Variants in DOK5 observed in about 807,000 individuals in gnomAD.
DOK5 encodes downstream of tyrosine kinase 5.
DOK5 carries 27 observed loss-of-function variants against 43.3 expected under a neutral mutation model. The observed-to-expected ratio is 0.62, with a 90% CI of 0.46 to 0.86. The LOEUF (loss-of-function observed/expected upper bound fraction) is 0.86. DOK5 is among the 40% of genes least tolerant of loss of function. The pLI is 0.00. For synonymous variants in DOK5, 146 were observed against 140.1 expected (o/e 1.04, Z -0.30); for missense variants, 373 against 392.9 (o/e 0.95, Z 0.43).
At chr20:54,632,705 A>G (rs997412440) in intron 6 of DOK5, among the ~76,000 whole-genome samples, 6 of 152,234 alleles carry the variant, frequency 3.9e-5, no homozygotes, top group African/African-American at 1.4e-4. Context: ...TAAAGGTAAT[A>G]AATAGCACAG....
chr20:54,488,361 T>A (rs763776381), intron 1 of DOK5, among the ~76,000 whole-genome samples: 1 of 152,242 alleles, frequency 6.6e-6, no homozygotes, highest in Non-Finnish European at 1.5e-5. Context: ...CCTGGCTGGC[T>A]GTCTCTTGGC....
At chr20:54,572,330 T>G (rs1985309739) in intron 2 of DOK5, among the ~76,000 whole-genome samples, 1 of 152,042 alleles carries the variant, frequency 6.6e-6, no homozygotes, top group Non-Finnish European at 1.5e-5. Flanking sequence ...CCGGCTAATT[T>G]TTTGTATTTC....
intron 1 of DOK5, among the ~76,000 whole-genome samples, chr20:54,547,274 T>C (rs1003222518): frequency 6.6e-6 from 1 of 152,218 alleles, no homozygotes; most frequent in African/African-American, 2.4e-5. Context: ...ATTTACTCTT[T>C]GGCTCATTAC....
Position 54,610,605 on chromosome 20 carries a change from G to A in DOK5, c.735+82G>A, listed in dbSNP as rs915606525. Reference sequence around the variant, plus strand: ...GGTCATTTTTGTGCTGGAAAATATGGTCAGCATTATTTGAGCAGATGACTG... The same window carrying A: ...GGTCATTTTTGTGCTGGAAAATATGATCAGCATTATTTGAGCAGATGACTG... On this transcript the variant is annotated intron_variant, in intron 6 of 7. Transcript: ENST00000262593. The A allele has an allele frequency of 2.3e-6, 3 of 1,315,050 alleles. No homozygotes were observed. The African/African-American group carries it at 4.5e-5, about 20-fold the overall frequency. The allele number at this position is 1,315,050 out of a possible 1,614,324, so 81.5% of individuals were successfully genotyped here.
At chr20:54,590,287 C>G (rs776579028) in intron 4 of DOK5, among the ~76,000 whole-genome samples, 2 of 151,976 alleles carry the variant, frequency 1.3e-5, no homozygotes, top group Non-Finnish European at 2.9e-5. Context: ...CCTCTCAGGC[C>G]CTTTCCAATG....
At chr20:54,619,207 G>A (rs868013583) in intron 6 of DOK5, among the ~76,000 whole-genome samples, 8 of 150,430 alleles carry the variant, frequency 5.3e-5, no homozygotes, top group Non-Finnish European at 1.2e-4. Flanking sequence ...TCACTCTAAA[G>A]GGGGTGCTGG....
intron 1 of DOK5, among the ~76,000 whole-genome samples, chr20:54,536,718 C>G (rs1983974225): frequency 1.3e-5 from 2 of 152,188 alleles, no homozygotes; most frequent in African/African-American, 4.8e-5. Context: ...TGCTCTATAC[C>G]ATTCAAACAC....
At position 54,610,506 on chromosome 20, in the gene DOK5, A is replaced by G; in HGVS notation, c.718A>G (p.Ser240Gly). 4 of 1,516,172 alleles carry G rather than the reference A, an allele frequency of 2.6e-6. No individual in the cohort carries two copies. Among genetic ancestry groups the G allele is most frequent in the East Asian group, 4.8e-5 (2 of 41,644 alleles). 93.9% of individuals were successfully genotyped at this position (1,516,172 alleles called of 1,614,324 possible). A position where few individuals can be genotyped will look rare whatever the true frequency, so the allele number is the denominator to read the frequency against. The change falls in exon 6 of 8, where the codon AGT (serine) becomes GGT (glycine). Residue 240 changes from serine (S) to glycine (G), a missense_variant. By Grantham distance (56) the Ser-to-Gly change is moderately conservative. Coordinates refer to ENST00000262593, the MANE Select transcript of DOK5 (RefSeq NM_018431.5). The part of the protein sequence containing the change: ...IAEQHERLLQ[S>G]VKNSMLQMKM... ...CGAGCAGCACGAGCGCTTGCTACAG[A>G]GTGTGAAAAACTCGATGGTACGTTT...
At chr20:54,551,277 G>T (rs1387905116) in intron 1 of DOK5, among the ~76,000 whole-genome samples, 1 of 152,134 alleles carries the variant, frequency 6.6e-6, no homozygotes, top group Non-Finnish European at 1.5e-5. Context: ...TGATTTGAGG[G>T]TTCTTTGCCT....
chr20:54,593,070 C>G (rs182446570), intron 5 of DOK5, among the ~76,000 whole-genome samples: 13 of 152,252 alleles, frequency 8.5e-5, no homozygotes, highest in Admixed American at 7.2e-4. Flanking sequence ...GTGGTCCCCT[C>G]TAACTAATCT....
In DOK5 at chr20:54,544,685, G is replaced by A. The variant is rs7274013; in HGVS notation, c.67-10248G>A. 7.0e-3 allele frequency among the ~76,000 whole-genome samples: 1,061 copies of A among 152,294 alleles called. 15 individuals are homozygous for A. The highest frequency in any genetic ancestry group is 0.024 in the African/African-American group (1,005 of 41,570). On this transcript the variant is annotated intron_variant, in intron 1 of 7. Coordinates refer to ENST00000262593, the MANE Select transcript of DOK5 (RefSeq NM_018431.5). ...TAGTTTGATGGGCAAGGGAATGGGTGCTGCTGATTGGTTGTGGATGCAGTC... is the reference window on the plus strand; with the variant it reads ...TAGTTTGATGGGCAAGGGAATGGGTACTGCTGATTGGTTGTGGATGCAGTC...
chr20:54,543,435 G>C (rs73276931), intron 1 of DOK5, among the ~76,000 whole-genome samples: 346 of 152,198 alleles, frequency 2.3e-3, no homozygotes, highest in African/African-American at 7.4e-3. Flanking sequence ...ACAACTTACA[G>C]AGAAGTAGAA....
intron 7 of DOK5, among the ~76,000 whole-genome samples, chr20:54,649,924 T>C (rs1979619003): frequency 6.6e-6 from 1 of 152,238 alleles, no homozygotes; most frequent in South Asian, 2.1e-4. Context: ...AGGGGGCTAA[T>C]AGGGATCTTG....
intron 1 of DOK5, among the ~76,000 whole-genome samples, chr20:54,542,099 TACACACACACACACAC>T (rs59020714): frequency 8.2e-6 from 1 of 121,984 alleles, no homozygotes; most frequent in Non-Finnish European, 1.7e-5. Flanking sequence ...TATTATAAGA[TACACACACACACACAC>T]ACACACACAC....
At chr20:54,499,908 C>T (rs1284510820) in intron 1 of DOK5, among the ~76,000 whole-genome samples, 1 of 152,210 alleles carries the variant, frequency 6.6e-6, no homozygotes, top group East Asian at 1.9e-4. Flanking sequence ...GCGAGGGGCT[C>T]AGATCCATGC....
intron 6 of DOK5, among the ~76,000 whole-genome samples, chr20:54,622,759 C>CATCT: frequency 6.6e-6 from 1 of 152,142 alleles, no homozygotes; most frequent in Non-Finnish European, 1.5e-5. Flanking sequence ...ATCACACGTG[C>CATCT]ATCTGCTTGA....
intron 1 of DOK5, among the ~76,000 whole-genome samples, chr20:54,508,938 A>G (rs559658822): frequency 6.9e-6 from 1 of 144,658 alleles, no homozygotes; most frequent in South Asian, 2.2e-4. Flanking sequence ...GTGCAGTGAC[A>G]CGATCTCGGC....
At position 54,493,059 on chromosome 20, in the gene DOK5, CAA is replaced by C. The variant is rs66973631; in HGVS notation, c.66+17068_66+17069del. On this transcript the variant is annotated intron_variant, in intron 1 of 7. Coordinates refer to ENST00000262593, the MANE Select transcript of DOK5 (RefSeq NM_018431.5). ...AACAGAGTGAGACTCTGTCCCCCTC[CAA>C]AAAAAAAAAAAAAAAAAAAAGGGAT... 9.1e-4 allele frequency among the ~76,000 whole-genome samples: 54 copies of C among 59,498 alleles called. 1 individual carries two copies. Among genetic ancestry groups the C allele is most frequent in the African/African-American group, 1.8e-3 (33 of 18,292 alleles). The allele number at this position is 59,498 out of a possible 152,430, so 39.0% of individuals were successfully genotyped here. A position where few individuals can be genotyped will look rare whatever the true frequency, so the allele number is the denominator to read the frequency against.
intron 6 of DOK5, among the ~76,000 whole-genome samples, chr20:54,611,140 T>C (rs543149512): frequency 3.5e-4 from 53 of 152,218 alleles, no homozygotes; most frequent in Admixed American, 7.9e-4. Context: ...GCCATGCGTG[T>C]GCCATCTCTT....
Sources: allele counts gnomAD v4.1 joint callset (sites outside exome capture counted in the v4.1 genomes callset), GRCh38; gene constraint gnomAD v4.1.1; transcripts MANE v1.5; gene names NCBI Gene and HGNC (gene_info 2026-07-23, HGNC 2026-07-21).